Variants in ERVV-2 observed in about 807,000 individuals in gnomAD.
The protein encoded by ERVV-2 is endogenous retrovirus group V member 2 Env polyprotein.
For synonymous variants in ERVV-2, 105 were observed against 184.6 expected, an observed-to-expected ratio of 0.57 and a Z score of 3.49; for missense variants, 291 against 495.1, an observed-to-expected ratio of 0.59 and a Z score of 3.91.
chr19:53,051,088 A>C lies in ERVV-2; in HGVS notation c.*229A>C. 1 of 447,876 alleles carries C rather than the reference A, an allele frequency of 2.2e-6. No homozygotes were observed. 27.7% of individuals were successfully genotyped at this position (447,876 alleles called of 1,614,324 possible). A position where few individuals can be genotyped will look rare whatever the true frequency, so the allele number is the denominator to read the frequency against. ...GATAGCTTCCTTGGTGATGCTGCCCACAGACAGTCAGCACTTCTCTAATAA... is the reference window on the plus strand; with the variant it reads ...GATAGCTTCCTTGGTGATGCTGCCCCCAGACAGTCAGCACTTCTCTAATAA... On this transcript the variant is annotated 3_prime_UTR_variant, in exon 2 of 2. Transcript: ENST00000601417.
intron 1 of ERVV-2, among the ~76,000 whole-genome samples, chr19:53,045,990 G>A (rs1355544461): frequency 3.9e-5 from 6 of 152,072 alleles, no homozygotes; most frequent in South Asian, 2.1e-4. Context: ...GGCCGGGCAC[G>A]GTGGCTCATG....
intron 1 of ERVV-2, among the ~76,000 whole-genome samples, chr19:53,045,660 T>C (rs569389500): frequency 2.0e-5 from 3 of 152,234 alleles, no homozygotes; most frequent in South Asian, 2.1e-4. Context: ...TTGCCATTCA[T>C]GGCCGTTCAC....
At chr19:53,045,956 C>G (rs1399661212) in intron 1 of ERVV-2, among the ~76,000 whole-genome samples, 1 of 152,074 alleles carries the variant, frequency 6.6e-6, no homozygotes, top group Non-Finnish European at 1.5e-5. Flanking sequence ...GGGAGGATGC[C>G]TGCTTAAAGA....
Position 53,051,136 on chromosome 19 carries a change from C to CTTTTTTTTTTTTTTTTTTTTTTTTTTT in ERVV-2, c.*279_*305dup, listed in dbSNP as rs57887970. ...TAACCCATCCTAGAACAGCCTTTTG[C>CTTTTTTTTTTTTTTTTTTTTTTTTTTT]TTTTTTTTTTTTTTTTTTTTTTTTT... On this transcript the variant is annotated 3_prime_UTR_variant, in exon 2 of 2. Coordinates refer to ENST00000601417, the MANE Select transcript of ERVV-2 (RefSeq NM_001191055.2). 3 of 110,016 alleles carry CTTTTTTTTTTTTTTTTTTTTTTTTTTT rather than the reference C, an allele frequency of 2.7e-5. No individual in the cohort carries two copies. The highest frequency in any genetic ancestry group is 1.4e-4 in the African/African-American group (3 of 21,160). The allele number at this position is 110,016 out of a possible 1,614,324, so 6.8% of individuals were successfully genotyped here.
At chr19:53,046,470 T>C (rs1306767964) in intron 1 of ERVV-2, among the ~76,000 whole-genome samples, 1 of 152,120 alleles carries the variant, frequency 6.6e-6, no homozygotes, top group Non-Finnish European at 1.5e-5. Flanking sequence ...TCCACCTCAT[T>C]AGGCCATTGT....
chr19:53,046,328 C>T (rs2083891015), intron 1 of ERVV-2, among the ~76,000 whole-genome samples: 1 of 152,102 alleles, frequency 6.6e-6, no homozygotes, highest in African/African-American at 2.4e-5. Flanking sequence ...GCCTACTCTT[C>T]AAGAATGCCT....
At position 53,050,655 on chromosome 19, in the gene ERVV-2, C is replaced by T; in HGVS notation, c.1404C>T (p.Leu468=). Residue 468 remains leucine, a synonymous_variant, in exon 2 of 2, where the codon CTC becomes CTT. Coordinates refer to ENST00000601417, the MANE Select transcript of ERVV-2 (RefSeq NM_001191055.2). ...TACTGGGACCAGCAACAGTTATACT[C>T]TTACTTTTCCTCTTTGGCCCTTGTT... ...VPLLGPATVI[L]LLFLFGPCFF... 6.8e-7 allele frequency: 1 copy of T among 1,464,214 alleles called. No homozygotes were observed. The highest frequency in any genetic ancestry group is 1.2e-5 in the South Asian group (1 of 82,608). 90.7% of individuals were successfully genotyped at this position (1,464,214 alleles called of 1,614,324 possible).
chr19:53,044,764 C>T lies in ERVV-2; in HGVS notation c.-580C>T, dbSNP rs1174538173. On this transcript the variant is annotated 5_prime_UTR_variant, in exon 1 of 2. Transcript: ENST00000601417. ...CAGACTCCTTCTTTTCAGGAGCCCA[C>T]TCGGTTCTGTCGTTCAGGGTGTCGC... 6.6e-6 allele frequency: 1 copy of T among 152,084 alleles called. No homozygotes were observed. The highest frequency in any genetic ancestry group is 1.5e-5 in the Non-Finnish European group (1 of 68,050). The allele number at this position is 152,084 out of a possible 1,614,324, so 9.4% of individuals were successfully genotyped here. A position where few individuals can be genotyped will look rare whatever the true frequency, so the allele number is the denominator to read the frequency against.
In ERVV-2 at chr19:53,051,103, T is replaced by A. The variant is rs2560955; in HGVS notation, c.*244T>A. 2.4e-6 allele frequency: 1 copy of A among 408,808 alleles called. No individual in the cohort carries two copies. Among genetic ancestry groups the A allele is most frequent in the South Asian group, 4.2e-5 (1 of 24,036 alleles). The allele number at this position is 408,808 out of a possible 1,614,324, so 25.3% of individuals were successfully genotyped here. ...GATGCTGCCCACAGACAGTCAGCAC[T>A]TCTCTAATAACCCATCCTAGAACAG... is the stretch of plus-strand genomic sequence containing the variant. On this transcript the variant is annotated 3_prime_UTR_variant, in exon 2 of 2. Transcript: ENST00000601417.
Position 53,048,867 on chromosome 19 carries a change from C to A in ERVV-2, c.-385C>A. The A allele has an allele frequency of 2.7e-6, 1 of 376,246 alleles. No individual in the cohort carries two copies. Among genetic ancestry groups the A allele is most frequent in the Non-Finnish European group, 4.9e-6 (1 of 205,580 alleles). 23.3% of individuals were successfully genotyped at this position (376,246 alleles called of 1,614,324 possible). ...ACTGTCTTACTTTCCACCCCAACAG[C>A]TATCAACATTTCTGGCATCTCCAGT... On this transcript the variant is annotated splice_region_variant and 5_prime_UTR_variant, in exon 2 of 2. Coordinates refer to ENST00000601417, the MANE Select transcript of ERVV-2 (RefSeq NM_001191055.2).
intron 1 of ERVV-2, among the ~76,000 whole-genome samples, chr19:53,048,281 G>GGA (rs1277818833): frequency 6.6e-6 from 1 of 152,104 alleles, no homozygotes; most frequent in Non-Finnish European, 1.5e-5. Flanking sequence ...GGCTGAGGCA[G>GGA]GAGAATCACT....
At position 53,050,487 on chromosome 19, in the gene ERVV-2, C is replaced by G. The variant is rs1456783916; in HGVS notation, c.1236C>G (p.Asn412Lys). ...INKSCCVYVN[N>K]SGAIEEDIKK... ...AATCCTGTTGCGTTTATGTCAATAA[C>G]AGTGGGGCGATAGAGGAGGATATAA... Residue 412 changes from asparagine (N) to lysine (K), a missense_variant, in exon 2 of 2, where the codon AAC becomes AAG. Coordinates refer to ENST00000601417, the MANE Select transcript of ERVV-2 (RefSeq NM_001191055.2). 1.4e-6 allele frequency: 1 copy of G among 721,776 alleles called. No homozygotes were observed. Among genetic ancestry groups the G allele is most frequent in the Admixed American group, 2.0e-5 (1 of 50,018 alleles). 44.7% of individuals were successfully genotyped at this position (721,776 alleles called of 1,614,324 possible).
intron 1 of ERVV-2, among the ~76,000 whole-genome samples, chr19:53,047,344 C>T (rs1462563749): frequency 1.3e-5 from 2 of 152,024 alleles, no homozygotes; most frequent in Non-Finnish European, 2.9e-5. Flanking sequence ...GAGAAACTGT[C>T]TCAAAAAAAA....
chr19:53,050,462 A>G lies in ERVV-2; in HGVS notation c.1211A>G (p.Lys404Arg). 1 of 723,620 alleles carries G rather than the reference A, an allele frequency of 1.4e-6. No homozygotes were observed. The highest frequency in any genetic ancestry group is 2.5e-6 in the Non-Finnish European group (1 of 403,928). The allele number at this position is 723,620 out of a possible 1,614,324, so 44.8% of individuals were successfully genotyped here. The change falls in exon 2 of 2, where the codon AAA becomes AGA. Residue 404 changes from lysine (K) to arginine (R), a missense_variant. Coordinates refer to ENST00000601417, the MANE Select transcript of ERVV-2 (RefSeq NM_001191055.2). ...GGTGGAGTCTGTGCAGTGATCAATAAATCCTGTTGCGTTTATGTCAATAAC... is the reference window on the plus strand; with the variant it reads ...GGTGGAGTCTGTGCAGTGATCAATAGATCCTGTTGCGTTTATGTCAATAAC... ...EQGGVCAVINKSCCVYVNNSG... is the reference protein window; with the variant it reads ...EQGGVCAVINRSCCVYVNNSG...
rs200390313 is a variant in ERVV-2, at chr19:53,050,086, C to T, written c.835C>T (p.Pro279Ser). The change falls in exon 2 of 2, where the codon CCT becomes TCT. Residue 279 changes from proline (P) to serine (S), a missense_variant. By Grantham distance (74) the Pro-to-Ser change is moderately conservative. Coordinates refer to ENST00000601417, the MANE Select transcript of ERVV-2 (RefSeq NM_001191055.2). ...TCCTAAGATAACCTATTCAACCCCC[C>T]CTGTGGCAAACCTCTACACTTGCAT... ...GSPKITYSTP[P>S]VANLYTCINN... 61 of 1,458,046 alleles carry T rather than the reference C, an allele frequency of 4.2e-5. 4 individuals carry two copies. The African/African-American group carries it at 6.3e-4, about 15-fold the overall frequency. 90.3% of individuals were successfully genotyped at this position (1,458,046 alleles called of 1,614,324 possible).
intron 1 of ERVV-2, among the ~76,000 whole-genome samples, chr19:53,048,028 G>A (rs112912273): frequency 2.6e-5 from 4 of 152,000 alleles, no homozygotes; most frequent in African/African-American, 9.7e-5. Flanking sequence ...GCTGCAAAAC[G>A]GGCTCAAAAG....
chr19:53,049,104 C>T lies in ERVV-2; in HGVS notation c.-148C>T. On this transcript the variant is annotated 5_prime_UTR_variant, in exon 2 of 2. Coordinates refer to ENST00000601417, the MANE Select transcript of ERVV-2 (RefSeq NM_001191055.2). ...TGGTTGCGGTGGCATTGGTTCTTCT[C>T]CTTATTTTGACCCAACTGGCATGCC... 1.2e-6 allele frequency: 1 copy of T among 806,524 alleles called. No individual in the cohort carries two copies. The highest frequency in any genetic ancestry group is 1.9e-6 in the Non-Finnish European group (1 of 532,986). 50.0% of individuals were successfully genotyped at this position (806,524 alleles called of 1,614,324 possible).
intron 1 of ERVV-2, among the ~76,000 whole-genome samples, chr19:53,045,459 T>C (rs1439622699): frequency 2.0e-5 from 3 of 152,082 alleles, no homozygotes; most frequent in Non-Finnish European, 4.4e-5. Context: ...TGTGCCACCA[T>C]GCCCGGCTAA....
rs1308714398 is a variant in ERVV-2 at position 53,048,946 on chromosome 19, GAAC to G, written c.-301_-299del. 3.7e-6 allele frequency: 2 copies of G among 536,656 alleles called. No homozygotes were observed. The highest frequency in any genetic ancestry group is 6.6e-6 in the Non-Finnish European group (2 of 302,482). The allele number at this position is 536,656 out of a possible 1,614,324, so 33.2% of individuals were successfully genotyped here. Reference sequence around the variant, plus strand: ...GGGAAGGTCCCGAAGAACCACAGAAGAACAACAGAATTCAGCACCTGAGCATTC... The same window carrying G: ...GGGAAGGTCCCGAAGAACCACAGAAGAACAGAATTCAGCACCTGAGCATTC... On this transcript the variant is annotated 5_prime_UTR_variant, in exon 2 of 2. Transcript: ENST00000601417.
Sources: allele counts gnomAD v4.1 joint callset (sites outside exome capture counted in the v4.1 genomes callset), GRCh38; gene constraint gnomAD v4.1.1; transcripts MANE v1.5; gene names NCBI Gene and HGNC (gene_info 2026-07-23, HGNC 2026-07-21).